CAMK1D: variants seen among roughly 807,000 people sequenced by gnomAD.
CAMK1D encodes calcium/calmodulin-dependent protein kinase type 1D.
CAMK1D carries 9 observed loss-of-function variants against 47.7 expected under a neutral mutation model. The ratio of observed to expected loss-of-function variants is 0.19; its 90% confidence interval spans 0.11 to 0.33. The LOEUF (loss-of-function observed/expected upper bound fraction) is 0.33. Ranked by LOEUF, CAMK1D falls within the 10% of genes least tolerant of loss-of-function variation. The probability of loss-of-function intolerance (pLI) is 1.00; values close to 1 mark genes in which losing one functional copy is unlikely to be tolerated. For missense variants in CAMK1D, 291 were observed against 488.7 expected, an observed-to-expected ratio of 0.60 and a Z score of 3.81; for synonymous variants, 184 against 184.9, an observed-to-expected ratio of 0.99 and a Z score of 0.04.
intron 1 of CAMK1D, among the ~76,000 whole-genome samples, chr10:12,482,845 C>T (rs375908267): frequency 4.8e-4 from 73 of 152,146 alleles, no homozygotes; most frequent in East Asian, 1.9e-3. Context: ...TGTTCACAGC[C>T]GCGCTTTCTG....
chr10:12,360,121 G>C (rs530893840), intron 1 of CAMK1D, among the ~76,000 whole-genome samples: 1 of 152,286 alleles, frequency 6.6e-6, no homozygotes, highest in East Asian at 1.9e-4. Context: ...AGCTCCTCCA[G>C]CTGAAAGTAG....
intron 1 of CAMK1D, among the ~76,000 whole-genome samples, chr10:12,463,380 C>T (rs558427904): frequency 6.6e-6 from 1 of 152,134 alleles, no homozygotes; most frequent in Non-Finnish European, 1.5e-5. Flanking sequence ...TCAAATGATT[C>T]ACCCACCTCA....
intron 2 of CAMK1D, among the ~76,000 whole-genome samples, chr10:12,644,285 G>A (rs1004248): frequency 0.12 from 17,922 of 152,106 alleles, 1,250 homozygotes; most frequent in African/African-American, 0.19. Context: ...GTTTCCCAAC[G>A]AAAACAAATG....
chr10:12,712,069 G>A (rs904196458), intron 3 of CAMK1D, among the ~76,000 whole-genome samples: 1 of 152,208 alleles, frequency 6.6e-6, no homozygotes, highest in East Asian at 1.9e-4. Context: ...TGATGCTTTT[G>A]AGGGGCAGAG....
chr10:12,546,303 G>A (rs1249624776), intron 1 of CAMK1D, among the ~76,000 whole-genome samples: 1 of 152,152 alleles, frequency 6.6e-6, no homozygotes, highest in Non-Finnish European at 1.5e-5. Context: ...GGATGGAGGA[G>A]CGGGCGGGCA....
At chr10:12,545,719 G>C (rs139233316) in intron 1 of CAMK1D, among the ~76,000 whole-genome samples, 102 of 151,602 alleles carry the variant, frequency 6.7e-4, no homozygotes, top group African/African-American at 2.4e-3. Context: ...GGAATCGCTT[G>C]AACCAGGGAG....
At chr10:12,652,425 C>CA (rs35773480) in intron 2 of CAMK1D, among the ~76,000 whole-genome samples, 90,337 of 123,792 alleles carry the variant, frequency 0.73, 32,800 homozygotes, top group Non-Finnish European at 0.79. Context: ...ACTAAAAATA[C>CA]AAAAAAAAAA....
intron 3 of CAMK1D, among the ~76,000 whole-genome samples, chr10:12,676,750 T>C (rs1296237752): frequency 1.3e-5 from 2 of 152,140 alleles, no homozygotes; most frequent in African/African-American, 4.8e-5. Context: ...GTAGGTACCA[T>C]TAATGTGAAT....
chr10:12,507,900 T>C (rs1834926040), intron 1 of CAMK1D, among the ~76,000 whole-genome samples: 1 of 152,176 alleles, frequency 6.6e-6, no homozygotes, highest in Non-Finnish European at 1.5e-5. Context: ...ATTCACCCCC[T>C]CTTCTCTCAT....
At chr10:12,778,841 C>T (rs900987677) in intron 5 of CAMK1D, among the ~76,000 whole-genome samples, 1 of 152,260 alleles carries the variant, frequency 6.6e-6, no homozygotes, top group South Asian at 2.1e-4. Context: ...CCACTGCACT[C>T]CAGCCTGGGC....
chr10:12,766,635 C>G (rs1306428147), intron 4 of CAMK1D, among the ~76,000 whole-genome samples: 1 of 151,944 alleles, frequency 6.6e-6, no homozygotes, highest in African/African-American at 2.4e-5. Context: ...AGAAGGGAAG[C>G]CTTGCCGAGG....
chr10:12,542,755 A>G lies in CAMK1D; in HGVS notation c.93-10470A>G, dbSNP rs1277750087. On this transcript the variant is annotated intron_variant, in intron 1 of 10. Transcript: ENST00000619168. ...TTGATGTGCACTTATTTATTTATTT[A>G]TTTTTGAGACCGAGTCTCGCTCTGT... Among the ~76,000 whole-genome samples the G allele has an allele frequency of 2.0e-5, 3 of 152,144 alleles. No individual in the cohort carries two copies. In the East Asian group the frequency reaches 5.8e-4, roughly 29 times the overall value.
intron 5 of CAMK1D, among the ~76,000 whole-genome samples, chr10:12,778,999 AG>A: frequency 6.6e-6 from 1 of 152,328 alleles, no homozygotes; most frequent in African/African-American, 2.4e-5. Flanking sequence ...GGTGCAGAGC[AG>A]GCAGGGGGAG....
intron 3 of CAMK1D, among the ~76,000 whole-genome samples, chr10:12,698,625 T>C (rs1302750167): frequency 6.6e-6 from 1 of 151,992 alleles, no homozygotes; most frequent in African/African-American, 2.4e-5. Flanking sequence ...CATGTCAGTG[T>C]GGTGTTTTTT....
At chr10:12,751,059 AAG>A (rs1835928295) in intron 3 of CAMK1D, among the ~76,000 whole-genome samples, 1 of 1,372 alleles carries the variant, frequency 7.3e-4, no homozygotes. Context: ...CCAATAAGAT[AAG>A]ATAAGATAAG....
chr10:12,592,365 G>T (rs995250894), intron 2 of CAMK1D, among the ~76,000 whole-genome samples: 1 of 152,094 alleles, frequency 6.6e-6, no homozygotes, highest in Non-Finnish European at 1.5e-5. Flanking sequence ...CACAACTAAG[G>T]TTCATTATTT....
At chr10:12,694,011 AT>A (rs1564497777) in intron 3 of CAMK1D, among the ~76,000 whole-genome samples, 16 of 77,180 alleles carry the variant, frequency 2.1e-4, no homozygotes, top group Non-Finnish European at 2.5e-4. Context: ...TATAATATAT[AT>A]TAAATATATA....
In CAMK1D at chr10:12,716,064, G is replaced by A. The variant is rs75142828; in HGVS notation, c.300-44884G>A. On this transcript the variant is annotated intron_variant, in intron 3 of 10. Coordinates refer to ENST00000619168, the MANE Select transcript of CAMK1D (RefSeq NM_153498.4). Reference sequence around the variant, plus strand: ...AATAGTTATTGAGTGCTTGCTGTGCGTCAGGCTCAGTGCTAAGCATCTATC... The same window carrying A: ...AATAGTTATTGAGTGCTTGCTGTGCATCAGGCTCAGTGCTAAGCATCTATC... Among the ~76,000 whole-genome samples the A allele has an allele frequency of 1.9e-3, 294 of 152,162 alleles. 1 individual carries two copies. The highest frequency in any genetic ancestry group is 6.2e-3 in the African/African-American group (259 of 41,528).
chr10:12,778,670 A>T (rs1181244032), intron 5 of CAMK1D, among the ~76,000 whole-genome samples: 1 of 152,184 alleles, frequency 6.6e-6, no homozygotes, highest in East Asian at 1.9e-4. Flanking sequence ...GGAGTCCAGG[A>T]GTTTGAGACC....
Sources: allele counts gnomAD v4.1 joint callset (sites outside exome capture counted in the v4.1 genomes callset), GRCh38; gene constraint gnomAD v4.1.1; transcripts MANE v1.5; gene names NCBI Gene and HGNC (gene_info 2026-07-23, HGNC 2026-07-21).